The following DNAI1 variants were observed in gnomAD, a reference collection of about 807,000 sequenced individuals.
DNAI1 encodes dynein axonemal intermediate chain 1.
In DNAI1, 67 loss-of-function variants were observed where a neutral mutation model predicts 92.0. The ratio of observed to expected loss-of-function variants is 0.73; its 90% confidence interval spans 0.60 to 0.89. The LOEUF (loss-of-function observed/expected upper bound fraction) is 0.89. Among genes scored for constraint, DNAI1 ranks in the 40% least tolerant of loss-of-function variants. The pLI is 0.00. For synonymous variants in DNAI1, 323 were observed against 319.6 expected (o/e 1.01, Z -0.11); for missense variants, 839 against 866.6 (o/e 0.97, Z 0.40).
chr9:34,512,851 C>T (rs972468248), intron 15 of DNAI1, among the ~76,000 whole-genome samples: 31 of 152,230 alleles, frequency 2.0e-4, no homozygotes, highest in African/African-American at 7.2e-4. Flanking sequence ...CAATCCCTGC[C>T]TTGTTTACCC....
At chr9:34,500,662 G>A (rs1824810840) in intron 10 of DNAI1, 60 bp from the exon 11 acceptor site, 3 of 1,191,368 alleles carry the variant, frequency 2.5e-6, no homozygotes, top group Admixed American at 3.6e-5. Context: ...AGTAAGTGGT[G>A]GACCTGGGTT....
chr9:34,462,531 G>A (rs1411961701), intron 1 of DNAI1, among the ~76,000 whole-genome samples: 3 of 152,126 alleles, frequency 2.0e-5, no homozygotes, highest in Non-Finnish European at 4.4e-5. Flanking sequence ...ACAATACCTG[G>A]AATATATTAA....
chr9:34,506,768 G>T lies in DNAI1; in HGVS notation c.1205G>T (p.Gly402Val). ...GACCACCCCTACCTGGTGGCAGTAG[G>T]CCACTATGACGGCAACGTGGCCATT... ...HVDHPYLVAV[G>V]HYDGNVAIYN... The change falls in exon 13 of 20, where the codon GGC (glycine) becomes GTC (valine). Residue 402 changes from glycine (G) to valine (V), a missense_variant. Transcript: ENST00000242317. 1 of 1,614,154 alleles carries T rather than the reference G, an allele frequency of 6.2e-7. No individual in the cohort carries two copies. The highest frequency in any genetic ancestry group is 1.3e-5 in the African/African-American group (1 of 75,048).
chr9:34,478,088 T>G (rs1564029197), intron 1 of DNAI1, among the ~76,000 whole-genome samples: 2 of 152,064 alleles, frequency 1.3e-5, no homozygotes, highest in Non-Finnish European at 2.9e-5. Flanking sequence ...GGTTTCACGA[T>G]GTTGCCCAGG....
At chr9:34,464,629 C>T (rs1213381720) in intron 1 of DNAI1, among the ~76,000 whole-genome samples, 4 of 152,112 alleles carry the variant, frequency 2.6e-5, no homozygotes, top group East Asian at 3.9e-4. Context: ...TAATTATTCA[C>T]TTATTTGTGT....
At position 34,489,396 on chromosome 9, in the gene DNAI1, C is replaced by G. The variant is rs201313023; in HGVS notation, c.335C>G (p.Pro112Arg). The G allele has an allele frequency of 3.5e-5, 57 of 1,614,068 alleles. No homozygotes were observed. Among genetic ancestry groups the G allele is most frequent in the Admixed American group, 1.8e-4 (11 of 60,006 alleles). The change falls in exon 5 of 20, where the codon CCC (proline) becomes CGC (arginine). Residue 112 changes from proline to arginine, a missense_variant. Pro to Arg is a moderately radical substitution (Grantham distance 103). Coordinates refer to ENST00000242317, the MANE Select transcript of DNAI1 (RefSeq NM_012144.4). ...VHYTQVGNLI[P>R]KDSDEGRRQH... ...TACACCCAGGTTGGGAACCTGATCCCCAAAGACTCAGATGAAGGACGGCGG... is the reference window on the plus strand; with the variant it reads ...TACACCCAGGTTGGGAACCTGATCCGCAAAGACTCAGATGAAGGACGGCGG...
At chr9:34,491,115 C>T (rs529467532) in intron 7 of DNAI1, among the ~76,000 whole-genome samples, 20 of 152,306 alleles carry the variant, frequency 1.3e-4, no homozygotes, top group African/African-American at 4.6e-4. Context: ...AGCCAGAGAC[C>T]CTCATATTAG....
At chr9:34,485,640 G>C (rs1272619554) in intron 4 of DNAI1, 123 bp downstream of exon 4, 1 of 921,192 alleles carries the variant, frequency 1.1e-6, no homozygotes, top group African/African-American at 1.6e-5. Flanking sequence ...GAGGTCCTTG[G>C]CTAGAATCCT....
chr9:34,516,393 G>A (rs1052966194), intron 18 of DNAI1, among the ~76,000 whole-genome samples: 2 of 152,300 alleles, frequency 1.3e-5, no homozygotes, highest in Middle Eastern at 3.4e-3. Flanking sequence ...GAGTGGAAGC[G>A]GGGAGACCAG....
intron 9 of DNAI1, among the ~76,000 whole-genome samples, chr9:34,495,384 A>G (rs1051126512): frequency 2.6e-5 from 4 of 152,200 alleles, no homozygotes; most frequent in Admixed American, 6.5e-5. Context: ...TGGAACCTAC[A>G]GACCTGGATT....
chr9:34,497,181 T>C lies in DNAI1; in HGVS notation c.883T>C (p.Tyr295His). 1.9e-6 allele frequency: 3 copies of C among 1,613,780 alleles called. No homozygotes were observed. The highest frequency in any genetic ancestry group is 2.5e-6 in the Non-Finnish European group (3 of 1,179,650). ...GGAGCGGATGGTCAACCAGAATACA[T>C]ATGATGACATTGCTCAAGGTAAGAG... ...IMERMVNQNTYDDIAQDFKYY... is the reference protein window; with the variant it reads ...IMERMVNQNTHDDIAQDFKYY... The change falls in exon 10 of 20, where the codon TAT (tyrosine) becomes CAT (histidine). Residue 295 changes from tyrosine to histidine, a missense_variant. Physicochemically the swap from Tyr to His is moderately conservative, Grantham distance 83 (BLOSUM62 2). Transcript: ENST00000242317.
At chr9:34,484,139 C>G (rs1252748947) in intron 2 of DNAI1, among the ~76,000 whole-genome samples, 1 of 152,190 alleles carries the variant, frequency 6.6e-6, no homozygotes, top group Non-Finnish European at 1.5e-5. Context: ...TGCTTGAACC[C>G]AGAAGGTGGA....
At chr9:34,472,313 A>G (rs1200016800) in intron 1 of DNAI1, among the ~76,000 whole-genome samples, 2 of 152,344 alleles carry the variant, frequency 1.3e-5, no homozygotes, top group East Asian at 3.9e-4. Context: ...CGCCTTGCTC[A>G]ACGTCTTACA....
chr9:34,462,165 G>A (rs779182099), intron 1 of DNAI1, among the ~76,000 whole-genome samples: 4 of 152,132 alleles, frequency 2.6e-5, no homozygotes, highest in East Asian at 1.9e-4. Context: ...CACCCTGCAT[G>A]GTCTTGCCTT....
At position 34,515,833 on chromosome 9, in the gene DNAI1, A is replaced by G. The variant is rs139078212; in HGVS notation, c.1818+1094A>G. Among the ~76,000 whole-genome samples the G allele has an allele frequency of 5.2e-3, 794 of 152,330 alleles. 7 individuals carry two copies. Among genetic ancestry groups the G allele is most frequent in the African/African-American group, 0.018 (752 of 41,580 alleles). ...TGGCCTAGGGTGGTGAAAATGTTCT[A>G]AAATCGGTTGTAGAGAAGGTTGCAT... is the stretch of plus-strand genomic sequence containing the variant. On this transcript the variant is annotated intron_variant, in intron 18 of 19. Transcript: ENST00000242317.
At chr9:34,485,566 G>A (rs1405346126) in intron 4 of DNAI1, 49 bp downstream of exon 4, 2 of 1,562,566 alleles carry the variant, frequency 1.3e-6, no homozygotes, top group African/African-American at 1.4e-5. Flanking sequence ...TCTCCTTGGA[G>A]TGACAGTGAC....
chr9:34,483,513 A>G, intron 2 of DNAI1, 33 bp downstream of exon 2: 1 of 1,594,868 alleles, frequency 6.3e-7, no homozygotes, highest in Non-Finnish European at 8.6e-7. Context: ...TCTCTCAGCA[A>G]GATGCTAATA....
At chr9:34,489,615 T>C (rs1346545627) in intron 5 of DNAI1, among the ~76,000 whole-genome samples, 166 bp downstream of exon 5, 2 of 152,258 alleles carry the variant, frequency 1.3e-5, no homozygotes, top group East Asian at 1.9e-4. Flanking sequence ...TTTGGGAGGC[T>C]GAGGCGGGCG....
rs1267340723 is a variant in DNAI1 at position 34,493,326 on chromosome 9, C to G, written c.814C>G (p.Gln272Glu). Reference sequence around the variant, plus strand: ...GAGGAAGCTGACATCTATGGAGTCTCAGGTTTGGTGTTAGTTCCTACAGCT... The same window carrying G: ...GAGGAAGCTGACATCTATGGAGTCTGAGGTTTGGTGTTAGTTCCTACAGCT... ...AMRKLTSMES[Q>E]TDDLIKLSQA... Residue 272 changes from glutamine to glutamate, a missense_variant and splice_region_variant, in exon 9 of 20, where the codon CAG (glutamine) becomes GAG (glutamate). Coordinates refer to ENST00000242317, the MANE Select transcript of DNAI1 (RefSeq NM_012144.4). The G allele has an allele frequency of 1.9e-6, 3 of 1,614,050 alleles. No individual in the cohort carries two copies. Among genetic ancestry groups the G allele is most frequent in the Non-Finnish European group, 2.5e-6 (3 of 1,179,920 alleles).
Sources: allele counts gnomAD v4.1 joint callset (sites outside exome capture counted in the v4.1 genomes callset), GRCh38; gene constraint gnomAD v4.1.1; transcripts MANE v1.5; gene names NCBI Gene and HGNC (gene_info 2026-07-23, HGNC 2026-07-21).